The following L3MBTL4 variants were observed in gnomAD, a reference collection of about 807,000 sequenced individuals.
L3MBTL4 encodes the protein L3MBTL histone methyl-lysine binding protein 4.
In L3MBTL4, 70 loss-of-function variants were observed where a neutral mutation model predicts 84.5. That is an observed-to-expected ratio of 0.83 (90% confidence interval 0.68 to 1.01). The LOEUF (loss-of-function observed/expected upper bound fraction) is 1.01, where lower values mean the gene tolerates loss of function less well. Ranked by LOEUF, L3MBTL4 falls within the 50% of genes least tolerant of loss-of-function variation. The pLI is 0.00. For synonymous variants in L3MBTL4, 274 were observed against 259.8 expected (o/e 1.05, Z -0.52); for missense variants, 715 against 754.8 (o/e 0.95, Z 0.62).
At chr18:6,221,223 G>A (rs1481315129) in intron 10 of L3MBTL4, among the ~76,000 whole-genome samples, 2 of 152,102 alleles carry the variant, frequency 1.3e-5, no homozygotes, top group East Asian at 3.8e-4. Flanking sequence ...ACTAGTCTGG[G>A]TGACCTGTCC....
intron 13 of L3MBTL4, among the ~76,000 whole-genome samples, chr18:6,166,642 C>T (rs2043673716): frequency 6.6e-6 from 1 of 152,210 alleles, no homozygotes; most frequent in East Asian, 1.9e-4. Context: ...AGAACAAAGA[C>T]ACAACATACC....
intron 14 of L3MBTL4, among the ~76,000 whole-genome samples, chr18:6,124,796 GAATC>G (rs1345159128): frequency 6.6e-6 from 1 of 151,652 alleles, no homozygotes; most frequent in Non-Finnish European, 1.5e-5. Flanking sequence ...ATTACCACTG[GAATC>G]AGTAAAGGTG....
At chr18:6,028,558 T>C (rs575262857) in intron 16 of L3MBTL4, among the ~76,000 whole-genome samples, 1 of 152,346 alleles carries the variant, frequency 6.6e-6, no homozygotes, top group African/African-American at 2.4e-5. Flanking sequence ...AGTAGTTTTA[T>C]CTAATTCTGT....
intron 16 of L3MBTL4, among the ~76,000 whole-genome samples, chr18:6,073,770 T>G (rs1322392785): frequency 6.6e-6 from 1 of 152,218 alleles, no homozygotes; most frequent in Non-Finnish European, 1.5e-5. Context: ...GTCAAAATAT[T>G]AACAACTCTT....
At chr18:6,148,848 T>G (rs1189724280) in intron 13 of L3MBTL4, among the ~76,000 whole-genome samples, 1 of 152,192 alleles carries the variant, frequency 6.6e-6, no homozygotes. Context: ...TTAGACTTAC[T>G]GTGAGGAACT....
intron 1 of L3MBTL4, among the ~76,000 whole-genome samples, chr18:6,330,907 T>A (rs1397256867): frequency 1.3e-5 from 2 of 152,214 alleles, no homozygotes; most frequent in Admixed American, 6.5e-5. Context: ...CTATATCTAG[T>A]TATTTTCCAC....
chr18:6,009,206 C>A (rs769965779), intron 16 of L3MBTL4, among the ~76,000 whole-genome samples: 43 of 152,158 alleles, frequency 2.8e-4, no homozygotes, highest in Non-Finnish European at 5.6e-4. Flanking sequence ...GCAACCTAAA[C>A]GTAAGGGCCA....
chr18:6,380,532 G>T (rs1437765256), intron 1 of L3MBTL4, among the ~76,000 whole-genome samples: 2 of 152,112 alleles, frequency 1.3e-5, no homozygotes, highest in Non-Finnish European at 2.9e-5. Context: ...GTTCTCATTG[G>T]TTTCAAAGAA....
At chr18:6,115,248 T>A (rs998345486) in intron 14 of L3MBTL4, among the ~76,000 whole-genome samples, 1 of 152,172 alleles carries the variant, frequency 6.6e-6, no homozygotes, top group African/African-American at 2.4e-5. Flanking sequence ...TTGGGAATGA[T>A]TGGTCTGACT....
At chr18:6,154,520 T>C (rs1260562439) in intron 13 of L3MBTL4, among the ~76,000 whole-genome samples, 2 of 152,206 alleles carry the variant, frequency 1.3e-5, no homozygotes, top group Admixed American at 1.3e-4. Flanking sequence ...AGACTACTAC[T>C]CTTCTCCTCA....
intron 16 of L3MBTL4, among the ~76,000 whole-genome samples, chr18:6,076,019 T>C (rs1476207506): frequency 6.6e-6 from 1 of 152,214 alleles, no homozygotes; most frequent in African/African-American, 2.4e-5. Flanking sequence ...GCAGAGTACC[T>C]GCAATTTCCA....
At position 6,261,826 on chromosome 18, in the gene L3MBTL4, G is replaced by C. The variant is rs75206583; in HGVS notation, c.219+2121C>G. ...AGCTCTAGAATAATGTTAATACCCT[G>C]ACGGGCTGAGATGTGGGGCAACACA... On this transcript the variant is annotated intron_variant, in intron 5 of 18. Coordinates refer to ENST00000317931, the MANE Select transcript of L3MBTL4 (RefSeq NM_001330559.2). Among the ~76,000 whole-genome samples the C allele has an allele frequency of 8.3e-3, 1,263 of 152,314 alleles. 10 individuals are homozygous for C. Among genetic ancestry groups the C allele is most frequent in the Non-Finnish European group, 0.012 (801 of 68,022 alleles).
chr18:6,202,874 G>A (rs976686739), intron 12 of L3MBTL4, among the ~76,000 whole-genome samples: 1 of 152,168 alleles, frequency 6.6e-6, no homozygotes, highest in African/African-American at 2.4e-5. Context: ...CTGGAGCTCT[G>A]GGAGAGGTCA....
intron 1 of L3MBTL4, among the ~76,000 whole-genome samples, chr18:6,372,022 C>T (rs939730991): frequency 6.6e-6 from 1 of 152,238 alleles, no homozygotes; most frequent in Non-Finnish European, 1.5e-5. Context: ...GGCCCCTACA[C>T]ATCTTGTCAG....
intron 5 of L3MBTL4, among the ~76,000 whole-genome samples, chr18:6,251,217 G>C (rs183982635): frequency 6.6e-6 from 1 of 152,362 alleles, no homozygotes; most frequent in East Asian, 1.9e-4. Flanking sequence ...TTTTGAGTGT[G>C]AGAGTCTTGT....
intron 16 of L3MBTL4, among the ~76,000 whole-genome samples, chr18:6,017,441 C>T (rs1182901531): frequency 1.3e-5 from 2 of 152,222 alleles, no homozygotes; most frequent in African/African-American, 2.4e-5. Flanking sequence ...TAGAGTTTTA[C>T]ACTGTAATTT....
intron 14 of L3MBTL4, among the ~76,000 whole-genome samples, chr18:6,123,948 TA>T (rs1471427454): frequency 9.9e-5 from 15 of 152,160 alleles, no homozygotes; most frequent in Non-Finnish European, 1.6e-4. Flanking sequence ...CTCCTTGGGG[TA>T]AAGACTTTGT....
At chr18:6,187,000 T>A (rs933342849) in intron 12 of L3MBTL4, among the ~76,000 whole-genome samples, 5 of 152,020 alleles carry the variant, frequency 3.3e-5, no homozygotes, top group African/African-American at 1.2e-4. Context: ...GCCTCAAACA[T>A]GGAGACGGGG....
At position 6,345,319 on chromosome 18, in the gene L3MBTL4, C is replaced by T. The variant is rs556597507; in HGVS notation, c.-90-33263G>A. On this transcript the variant is annotated intron_variant, in intron 1 of 18. Transcript: ENST00000317931. ...AGCTGAGGCAGGAGAATTGCTTTAA[C>T]CCGTGAGGCGGAGGTTGCAGTGAGC... Among the ~76,000 whole-genome samples the T allele has an allele frequency of 2.7e-5, 4 of 150,730 alleles. No homozygotes were observed. The South Asian group carries it at 6.3e-4, about 24-fold the overall frequency.
Sources: allele counts gnomAD v4.1 joint callset (sites outside exome capture counted in the v4.1 genomes callset), GRCh38; gene constraint gnomAD v4.1.1; transcripts MANE v1.5; gene names NCBI Gene and HGNC (gene_info 2026-07-23, HGNC 2026-07-21).